The following EPHA6 variants were observed in gnomAD, a reference collection of about 807,000 sequenced individuals.
EPHA6 encodes ephrin type-A receptor 6.
A neutral mutation model predicts 112.0 loss-of-function variants in EPHA6; 50 were observed. The observed-to-expected ratio is 0.45, with a 90% CI of 0.36 to 0.56. EPHA6 has a LOEUF of 0.56. Among genes scored for constraint, EPHA6 ranks in the 20% least tolerant of loss-of-function variants. The probability of loss-of-function intolerance (pLI) is 0.00; values close to 1 mark genes in which losing one functional copy is unlikely to be tolerated. For missense variants in EPHA6, 1,280 were observed against 1,417.4 expected, an observed-to-expected ratio of 0.90 and a Z score of 1.56; for synonymous variants, 529 against 490.7, an observed-to-expected ratio of 1.08 and a Z score of -1.03.
chr3:97,459,102 G>A (rs2090798106), intron 7 of EPHA6, among the ~76,000 whole-genome samples: 1 of 152,206 alleles, frequency 6.6e-6, no homozygotes, highest in Non-Finnish European at 1.5e-5. Flanking sequence ...GGGGTGCAGT[G>A]AGGGTTGAGG....
At chr3:97,413,004 G>T (rs1993555) in intron 6 of EPHA6, among the ~76,000 whole-genome samples, 18,656 of 151,312 alleles carry the variant, frequency 0.12, 3,675 homozygotes, top group African/African-American at 0.41. Flanking sequence ...TCTTTTCTTT[G>T]CTTTTCTTTT....
rs1400015525 is a variant in EPHA6, at chr3:96,913,199, CACACACACACACACCA to C, written c.450+46311_450+46326del. ...ACACACACACACACACACACACACA[CACACACACACACACCA>C]CACACACGGGCATGGTGACACATAC... is the stretch of plus-strand genomic sequence containing the variant. On this transcript the variant is annotated intron_variant, in intron 2 of 17. Coordinates refer to ENST00000389672, the MANE Select transcript of EPHA6 (RefSeq NM_001080448.3). Among the ~76,000 whole-genome samples, 1,053 of 123,486 alleles carry C rather than the reference CACACACACACACACCA, an allele frequency of 8.5e-3. 8 individuals are homozygous for C. Among genetic ancestry groups the C allele is most frequent in the African/African-American group, 0.025 (833 of 33,314 alleles). 81.0% of individuals were successfully genotyped at this position (123,486 alleles called of 152,430 possible).
intron 10 of EPHA6, among the ~76,000 whole-genome samples, chr3:97,510,805 GT>G (rs2092350359): frequency 6.6e-6 from 1 of 152,204 alleles, no homozygotes; most frequent in Non-Finnish European, 1.5e-5. Context: ...CTTCTCCCAG[GT>G]GCTCTGTCCC....
chr3:97,183,212 G>A (rs962465034), intron 3 of EPHA6, among the ~76,000 whole-genome samples: 5 of 151,912 alleles, frequency 3.3e-5, no homozygotes, highest in African/African-American at 1.2e-4. Flanking sequence ...GTGATGAGAA[G>A]GTACAATCGA....
At chr3:97,704,493 C>T (rs912331365) in intron 14 of EPHA6, among the ~76,000 whole-genome samples, 7 of 152,300 alleles carry the variant, frequency 4.6e-5, no homozygotes, top group Non-Finnish European at 1.0e-4. Flanking sequence ...CTGGTTTTCC[C>T]TCTTGCCGAT....
At chr3:97,739,950 T>G (rs1394439919) in intron 16 of EPHA6, among the ~76,000 whole-genome samples, 2 of 152,128 alleles carry the variant, frequency 1.3e-5, no homozygotes, top group Non-Finnish European at 2.9e-5. Flanking sequence ...TGCACAGCCC[T>G]TGGGAGAAAG....
intron 2 of EPHA6, among the ~76,000 whole-genome samples, chr3:96,899,000 C>G (rs112823753): frequency 0.043 from 6,536 of 150,912 alleles, 469 homozygotes; most frequent in African/African-American, 0.14. Flanking sequence ...TGCACTCCAG[C>G]CTGGGCGACA....
chr3:96,880,329 C>G (rs2037236961), intron 2 of EPHA6, among the ~76,000 whole-genome samples: 1 of 151,752 alleles, frequency 6.6e-6, no homozygotes, highest in East Asian at 1.9e-4. Context: ...CTTAAAGTAT[C>G]ACAAATCTAA....
chr3:97,176,599 A>G (rs879834398), intron 3 of EPHA6, among the ~76,000 whole-genome samples: 3 of 150,952 alleles, frequency 2.0e-5, no homozygotes, highest in African/African-American at 4.9e-5. Flanking sequence ...GAGGTTTTGT[A>G]TTTCTTCCTG....
intron 1 of EPHA6, among the ~76,000 whole-genome samples, chr3:96,838,686 A>G (rs2034561035): frequency 6.6e-6 from 1 of 152,230 alleles, no homozygotes; most frequent in East Asian, 1.9e-4. Context: ...GTATTTCAAT[A>G]TTTGAAATTT....
chr3:97,450,219 A>G (rs1392254887), intron 7 of EPHA6, among the ~76,000 whole-genome samples: 2 of 151,994 alleles, frequency 1.3e-5, no homozygotes, highest in Admixed American at 1.3e-4. Context: ...TGTCCCTGTT[A>G]TGTCTTTTTC....
In EPHA6 at chr3:97,649,208, A is replaced by G. The variant is rs372037246; in HGVS notation, c.2784+11126A>G. ...CACAATCATGGCAGAAGTGAAGGAG[A>G]AGGAAAGTCACGTCTTACATGGTGA... On this transcript the variant is annotated intron_variant, in intron 14 of 17. Coordinates refer to ENST00000389672, the MANE Select transcript of EPHA6 (RefSeq NM_001080448.3). 2.2e-4 allele frequency among the ~76,000 whole-genome samples: 34 copies of G among 152,052 alleles called. No individual in the cohort carries two copies. The South Asian group carries it at 2.7e-3, about 12-fold the overall frequency.
intron 3 of EPHA6, among the ~76,000 whole-genome samples, chr3:97,134,806 C>G (rs1000133687): frequency 6.6e-6 from 1 of 151,868 alleles, no homozygotes; most frequent in Non-Finnish European, 1.5e-5. Flanking sequence ...TTGCATGGAA[C>G]AAATTATTAT....
At chr3:97,665,483 C>A (rs1233447850) in intron 14 of EPHA6, among the ~76,000 whole-genome samples, 1 of 152,056 alleles carries the variant, frequency 6.6e-6, no homozygotes, top group African/African-American at 2.4e-5. Context: ...GCAACAACAA[C>A]ATGCTTGTCA....
At chr3:96,871,910 A>G (rs2036642964) in intron 2 of EPHA6, among the ~76,000 whole-genome samples, 1 of 152,154 alleles carries the variant, frequency 6.6e-6, no homozygotes, top group Non-Finnish European at 1.5e-5. Flanking sequence ...TCAGTGTGGT[A>G]ACGGCCTCTT....
chr3:97,071,822 C>T (rs924718879), intron 3 of EPHA6, among the ~76,000 whole-genome samples: 1 of 151,832 alleles, frequency 6.6e-6, no homozygotes, highest in African/African-American at 2.4e-5. Context: ...GCACCGATCA[C>T]CCGAGCTCTA....
chr3:96,978,261 T>G (rs939855438), intron 2 of EPHA6, among the ~76,000 whole-genome samples: 2 of 152,192 alleles, frequency 1.3e-5, no homozygotes, highest in African/African-American at 2.4e-5. Context: ...TGTCTTTATG[T>G]TGAGTAGGCT....
chr3:97,573,599 A>T (rs1479966601), intron 11 of EPHA6, among the ~76,000 whole-genome samples: 1 of 151,620 alleles, frequency 6.6e-6, no homozygotes, highest in Non-Finnish European at 1.5e-5. Flanking sequence ...TTTAAATTTT[A>T]TTTTTTATTA....
At chr3:97,559,742 CT>C (rs2093162985) in intron 11 of EPHA6, 2 of 408,962 alleles carry the variant, frequency 4.9e-6, no homozygotes, top group South Asian at 1.8e-5. Context: ...GATAGACTTG[CT>C]TGTGCAAATC....
Sources: gnomAD v4.1 joint callset for allele counts (sites outside exome capture counted in the v4.1 genomes callset) on GRCh38, gnomAD v4.1.1 for gene constraint, MANE v1.5 for transcripts, NCBI Gene and HGNC (gene_info 2026-07-23, HGNC 2026-07-21) for gene names.